ATP7A: variants seen among roughly 807,000 people sequenced by gnomAD.
ATP7A encodes copper-transporting ATPase 1.
A neutral mutation model predicts 83.5 loss-of-function variants in ATP7A; 7 were observed. The ratio of observed to expected loss-of-function variants is 0.08; its 90% CI spans 0.05 to 0.16. ATP7A has a LOEUF of 0.16. ATP7A is among the 10% of genes least tolerant of loss of function. ATP7A has a pLI of 1.00. For missense variants in ATP7A, 940 were observed against 1,120.8 expected (o/e 0.84, Z 2.30); for synonymous variants, 354 against 395.2 (o/e 0.90, Z 1.24).
chrX:77,954,777 A>C (rs190097622), intron 1 of ATP7A, among the ~76,000 whole-genome samples: 2 of 111,775 alleles, frequency 1.8e-5, no homozygotes, highest in East Asian at 5.6e-4. Flanking sequence ...CATAGCTAGA[A>C]ATCATCTATT....
chrX:78,005,747 G>A (rs1367603139), intron 6 of ATP7A, among the ~76,000 whole-genome samples: 3 of 104,725 alleles, frequency 2.9e-5, no homozygotes, highest in East Asian at 2.9e-4. Context: ...ATTTGGAAGC[G>A]TTTTTCTAAA....
intron 5 of ATP7A, among the ~76,000 whole-genome samples, chrX:78,000,098 C>T (rs1440578803): frequency 9.1e-6 from 1 of 109,468 alleles, no homozygotes; most frequent in Admixed American, 9.9e-5. Flanking sequence ...ATGTAGTAAT[C>T]ACCTCACCTC....
intron 1 of ATP7A, among the ~76,000 whole-genome samples, chrX:77,929,798 C>T (rs2077262032): frequency 9.1e-6 from 1 of 110,342 alleles, no homozygotes; most frequent in Admixed American, 9.7e-5. Context: ...CTCCTCTCCT[C>T]CACCTCATTT....
chrX:78,011,403 G>C (rs1333197587), intron 8 of ATP7A, 46 bp from the exon 9 acceptor site: 13 of 1,113,990 alleles, frequency 1.2e-5, no homozygotes, highest in Middle Eastern at 2.5e-4. Flanking sequence ...TTACCCATTA[G>C]CTATTTATGA....
At chrX:78,007,886 A>T in intron 6 of ATP7A, among the ~76,000 whole-genome samples, 1 of 112,081 alleles carries the variant, frequency 8.9e-6, no homozygotes, top group Non-Finnish European at 1.9e-5. Flanking sequence ...ATCATATAAC[A>T]TGGGGTATCC....
At chrX:78,014,534 A>T in intron 10 of ATP7A, 128 bp from the exon 11 acceptor site, 2 of 445,384 alleles carry the variant, frequency 4.5e-6, no homozygotes, top group Non-Finnish European at 7.6e-6. Context: ...TTTTCATATT[A>T]ATTTTTAAAC....
chrX:78,014,405 A>AAAAT (rs781997821), intron 10 of ATP7A, among the ~76,000 whole-genome samples: 35 of 110,593 alleles, frequency 3.2e-4, no homozygotes, highest in South Asian at 2.3e-3. Context: ...ACTCTGTCTC[A>AAAAT]AAATAAATAA....
chrX:77,965,190 T>C (rs781982980), intron 1 of ATP7A, among the ~76,000 whole-genome samples: 2 of 111,597 alleles, frequency 1.8e-5, no homozygotes, highest in Admixed American at 9.6e-5. Flanking sequence ...AAATAAATTT[T>C]TATTAAAAGC....
Position 78,009,089 on chromosome X carries a change from T to G in ATP7A, c.1708-13T>G. 1 of 1,208,529 alleles carries G rather than the reference T, an allele frequency of 8.3e-7. No homozygotes were observed. Among genetic ancestry groups the G allele is most frequent in the African/African-American group, 1.7e-5 (1 of 57,520 alleles). Reference sequence around the variant, plus strand: ...AGTATATTCCTGAAGAACAAATGCTTTGTCTTTAACAGGTGAGGGGAATGA... The same window carrying G: ...AGTATATTCCTGAAGAACAAATGCTGTGTCTTTAACAGGTGAGGGGAATGA... On this transcript the variant is annotated splice_polypyrimidine_tract_variant and intron_variant, in intron 6 of 22. Transcript: ENST00000341514.
At chrX:77,914,216 C>G (rs180808784) in intron 1 of ATP7A, among the ~76,000 whole-genome samples, 5 of 110,663 alleles carry the variant, frequency 4.5e-5, no homozygotes, top group African/African-American at 1.3e-4. Flanking sequence ...GCCACCATGC[C>G]TAGCTACTTA....
intron 1 of ATP7A, among the ~76,000 whole-genome samples, chrX:77,927,319 A>G (rs1336084071): frequency 9.0e-6 from 1 of 111,624 alleles, no homozygotes; most frequent in Non-Finnish European, 1.9e-5. Context: ...TTTCTCTTAC[A>G]TACACATTCT....
chrX:78,024,064 A>ATTGT (rs782500542), intron 14 of ATP7A, among the ~76,000 whole-genome samples: 64 of 110,924 alleles, frequency 5.8e-4, no homozygotes, highest in Non-Finnish European at 9.8e-4. Context: ...TCCTTTCCCC[A>ATTGT]TTGTTTGTTT....
intron 1 of ATP7A, among the ~76,000 whole-genome samples, chrX:77,956,768 T>TTTCTTTCC (rs1569549167): frequency 4.9e-5 from 5 of 102,614 alleles, no homozygotes; most frequent in Non-Finnish European, 9.9e-5. Context: ...TCTTTCTTTC[T>TTTCTTTCC]TTCTTTCTTT....
At chrX:78,018,147 A>T (rs2077881442) in intron 12 of ATP7A, among the ~76,000 whole-genome samples, 1 of 108,538 alleles carries the variant, frequency 9.2e-6, no homozygotes, top group Non-Finnish European at 1.9e-5. Flanking sequence ...CCTCATCTCC[A>T]TCTGAGACCA....
chrX:77,990,074 A>G, intron 4 of ATP7A, 116 bp downstream of exon 4: 3 of 962,769 alleles, frequency 3.1e-6, no homozygotes, highest in Non-Finnish European at 4.4e-6. Context: ...ACTTTTGCAA[A>G]TATGTCCTAT....
Position 78,038,840 on chromosome X carries a change from T to A in ATP7A, c.3516T>A (p.Ala1172=). The A allele has an allele frequency of 8.3e-7, 1 of 1,210,573 alleles. No individual in the cohort carries two copies. Among genetic ancestry groups the A allele is most frequent in the Non-Finnish European group, 1.1e-6 (1 of 894,517 alleles). The stretch of plus-strand genomic sequence containing the variant: ...TATTTCTGTGCCTACTTTCAGATGC[T>A]CTTAATGCTCAGCAGTATAAAGTCC... The part of the protein sequence containing the change: ...SMIIDAQISN[A]LNAQQYKVLI... The change falls in exon 18 of 23, where the codon GCT becomes GCA. Residue 1172 remains alanine, a synonymous_variant. Coordinates refer to ENST00000341514, the MANE Select transcript of ATP7A (RefSeq NM_000052.7).
At chrX:77,992,705 G>C (rs187086376) in intron 4 of ATP7A, among the ~76,000 whole-genome samples, 1 of 109,837 alleles carries the variant, frequency 9.1e-6, no homozygotes. Flanking sequence ...TCTGTGCCCC[G>C]GGTTCAAGCA....
intron 1 of ATP7A, among the ~76,000 whole-genome samples, chrX:77,947,441 C>CA (rs1329665530): frequency 9.1e-5 from 7 of 77,337 alleles, no homozygotes; most frequent in African/African-American, 6.4e-4. Context: ...TATTTTACCA[C>CA]ATTTTTTTTT....
At chrX:77,941,985 G>T (rs1460459296) in intron 1 of ATP7A, among the ~76,000 whole-genome samples, 1 of 112,060 alleles carries the variant, frequency 8.9e-6, no homozygotes, top group Non-Finnish European at 1.9e-5. Flanking sequence ...CCAGGGTAGA[G>T]ATTCAGATCT....
Sources: allele counts gnomAD v4.1 joint callset (sites outside exome capture counted in the v4.1 genomes callset), GRCh38; gene constraint gnomAD v4.1.1; transcripts MANE v1.5; gene names NCBI Gene and HGNC (gene_info 2026-07-23, HGNC 2026-07-21).